The following SRBD1 variants were observed in gnomAD, a reference collection of about 807,000 sequenced individuals.
SRBD1 encodes S1 RNA binding domain 1.
SRBD1 carries 88 observed loss-of-function variants against 115.3 expected under a neutral mutation model. That is an observed-to-expected ratio of 0.76 (90% CI 0.64 to 0.91). The LOEUF (loss-of-function observed/expected upper bound fraction) is 0.91, where lower values mean the gene tolerates loss of function less well. SRBD1 is among the 40% of genes least tolerant of loss of function. SRBD1 has a pLI of 0.00. For missense variants in SRBD1, 1,385 were observed against 1,177.4 expected (o/e 1.18, Z -2.58); for synonymous variants, 509 against 407.7 (o/e 1.25, Z -2.99).
intron 7 of SRBD1, among the ~76,000 whole-genome samples, chr2:45,578,107 G>C (rs1673234971): frequency 6.6e-6 from 1 of 152,152 alleles, no homozygotes; most frequent in Non-Finnish European, 1.5e-5. Context: ...GAACTCAAGA[G>C]ACCTTGGTAC....
chr2:45,543,013 C>A (rs1011859407), intron 14 of SRBD1, among the ~76,000 whole-genome samples: 5 of 152,168 alleles, frequency 3.3e-5, no homozygotes, highest in African/African-American at 1.2e-4. Context: ...ACTACAAAAG[C>A]AAAATGAGTG....
chr2:45,412,932 T>C (rs183397718), intron 19 of SRBD1, among the ~76,000 whole-genome samples, 182 bp downstream of exon 19: 1 of 152,310 alleles, frequency 6.6e-6, no homozygotes, highest in African/African-American at 2.4e-5. Flanking sequence ...CCAGGAGTAA[T>C]GGTTTCATTC....
rs181055167 is a variant in SRBD1, at chr2:45,488,971, C to A, written c.1875-640G>T. Among the ~76,000 whole-genome samples, 7 of 152,190 alleles carry A rather than the reference C, an allele frequency of 4.6e-5. No individual in the cohort carries two copies. In the East Asian group the frequency reaches 1.3e-3, roughly 29 times the overall value. ...TCTTCCACTCAGGCAGGTGTTAATT[C>A]CTTTCATCATTTATTTAATCAAATA... On this transcript the variant is annotated intron_variant, in intron 14 of 20. Transcript: ENST00000263736.
At chr2:45,546,033 A>G in intron 14 of SRBD1, 1 of 437,676 alleles carries the variant, frequency 2.3e-6, no homozygotes, top group Non-Finnish European at 3.0e-6. Flanking sequence ...AATATCAGCC[A>G]TTATAACTAC....
intron 4 of SRBD1, among the ~76,000 whole-genome samples, chr2:45,589,882 C>T (rs1673663763): frequency 6.6e-6 from 1 of 152,074 alleles, no homozygotes; most frequent in Non-Finnish European, 1.5e-5. Flanking sequence ...AACAAGCTAA[C>T]AAAAGCAGAC....
At chr2:45,412,151 A>G (rs1487545538) in intron 19 of SRBD1, among the ~76,000 whole-genome samples, 1 of 152,126 alleles carries the variant, frequency 6.6e-6, no homozygotes, top group Non-Finnish European at 1.5e-5. Context: ...AGATGGATGG[A>G]TAAGTAGATG....
At chr2:45,578,947 T>G (rs1673261684) in intron 7 of SRBD1, among the ~76,000 whole-genome samples, 1 of 152,244 alleles carries the variant, frequency 6.6e-6, no homozygotes, top group Non-Finnish European at 1.5e-5. Flanking sequence ...CTTCACTATG[T>G]ATTAATATAT....
intron 16 of SRBD1, among the ~76,000 whole-genome samples, chr2:45,454,652 G>T (rs1364856012): frequency 6.6e-6 from 1 of 151,708 alleles, no homozygotes; most frequent in African/African-American, 2.4e-5. Flanking sequence ...AAAAAATAAA[G>T]TCTTATTGAC....
chr2:45,548,650 T>A (rs1672194768), intron 12 of SRBD1, among the ~76,000 whole-genome samples: 1 of 151,588 alleles, frequency 6.6e-6, no homozygotes, highest in South Asian at 2.1e-4. Context: ...TTTTAAAAAA[T>A]TCTAGTAATA....
chr2:45,389,876 T>C (rs1666950702), intron 20 of SRBD1, among the ~76,000 whole-genome samples: 1 of 152,222 alleles, frequency 6.6e-6, no homozygotes, highest in African/African-American at 2.4e-5. Flanking sequence ...ACAGTCTTAT[T>C]TTCCTCTTTG....
chr2:45,396,470 T>G (rs1667148587), intron 19 of SRBD1, among the ~76,000 whole-genome samples: 2 of 152,230 alleles, frequency 1.3e-5, no homozygotes, highest in Non-Finnish European at 2.9e-5. Context: ...TGGTAAGGAC[T>G]GCTGTTTTTA....
At position 45,444,999 on chromosome 2, in the gene SRBD1, A is replaced by AT. The variant is rs1242736502; in HGVS notation, c.2050-25106dup. 3.9e-5 allele frequency among the ~76,000 whole-genome samples: 6 copies of AT among 152,240 alleles called. No homozygotes were observed. In the East Asian group the frequency reaches 1.2e-3, roughly 29 times the overall value. ...AATAACATTGTCAAATTTGCTCTCC[A>AT]TTTTAGGAACTCAAGGCAAGACAAA... On this transcript the variant is annotated intron_variant, in intron 16 of 20. Transcript: ENST00000263736.
At chr2:45,414,928 C>CACACAGTGTTATATAGTATGTACAT (rs1558563930) in intron 18 of SRBD1, among the ~76,000 whole-genome samples, 1 of 104,588 alleles carries the variant, frequency 9.6e-6, no homozygotes, top group Non-Finnish European at 1.9e-5. Flanking sequence ...AGTATGTACA[C>CACACAGTGTTATATAGTATGTACAT]ACACAGTGTT....
intron 19 of SRBD1, 115 bp downstream of exon 19, chr2:45,412,999 T>C (rs1256846841): frequency 8.3e-7 from 1 of 1,202,106 alleles, no homozygotes; most frequent in Non-Finnish European, 1.2e-6. Context: ...TTCTGAAAAA[T>C]GTTGTCACAT....
At chr2:45,547,210 A>G (rs1672148964) in intron 13 of SRBD1, among the ~76,000 whole-genome samples, 1 of 152,170 alleles carries the variant, frequency 6.6e-6, no homozygotes, top group African/African-American at 2.4e-5. Flanking sequence ...TGAAACTTCT[A>G]ACTATAACCA....
At chr2:45,585,457 C>A (rs1025400854) in intron 5 of SRBD1, 151 bp downstream of exon 5, 2 of 796,514 alleles carry the variant, frequency 2.5e-6, no homozygotes, top group Non-Finnish European at 1.9e-6. Flanking sequence ...GGACTCCATA[C>A]ACTCGCTAAA....
intron 16 of SRBD1, among the ~76,000 whole-genome samples, chr2:45,441,447 A>G (rs1668665903): frequency 6.6e-6 from 1 of 152,180 alleles, no homozygotes; most frequent in East Asian, 1.9e-4. Flanking sequence ...TTGTTATTGT[A>G]TCCTGGTACA....
intron 4 of SRBD1, among the ~76,000 whole-genome samples, 183 bp from the exon 5 acceptor site, chr2:45,585,957 A>G (rs1469788841): frequency 6.6e-6 from 1 of 152,228 alleles, no homozygotes; most frequent in African/African-American, 2.4e-5. Flanking sequence ...ATGGTAAAAT[A>G]GCCATTTCAC....
intron 14 of SRBD1, 110 bp from the exon 15 acceptor site, chr2:45,488,441 C>T: frequency 1.4e-6 from 1 of 739,776 alleles, no homozygotes; most frequent in South Asian, 1.7e-5. Flanking sequence ...ACAGGGCAAA[C>T]TGTTCTCTTC....
Sources: gnomAD v4.1 joint callset for allele counts (sites outside exome capture counted in the v4.1 genomes callset) on GRCh38, gnomAD v4.1.1 for gene constraint, MANE v1.5 for transcripts, NCBI Gene and HGNC (gene_info 2026-07-23, HGNC 2026-07-21) for gene names.